The following LRP8 variants were observed in gnomAD, a reference collection of about 807,000 sequenced individuals.
LRP8 encodes the protein LDL receptor related protein 8, also known as low-density lipoprotein receptor-related protein 8.
LRP8 carries 46 observed loss-of-function variants against 111.6 expected under a neutral mutation model. That is an observed-to-expected ratio of 0.41 (90% CI 0.33 to 0.53). LRP8 has a LOEUF of 0.53. Ranked by LOEUF, LRP8 falls within the 20% of genes least tolerant of loss-of-function variation. The probability of loss-of-function intolerance (pLI) is 0.20; values close to 1 mark genes in which losing one functional copy is unlikely to be tolerated. For synonymous variants in LRP8, 464 were observed against 511.2 expected (o/e 0.91, Z 1.24); for missense variants, 959 against 1,297.4 (o/e 0.74, Z 4.01).
In LRP8 at chr1:53,246,948, A is replaced by T; in HGVS notation, c.*70T>A. On this transcript the variant is annotated 3_prime_UTR_variant, in exon 19 of 19. Transcript: ENST00000306052. The stretch of plus-strand genomic sequence containing the variant: ...CCCATATATAGAAACCCATTCATCC[A>T]GTCATACACCATCCAGAGTGTAGTG... The T allele has an allele frequency of 3.7e-6, 5 of 1,369,302 alleles. No individual in the cohort carries two copies. In the South Asian group the frequency reaches 6.3e-5, roughly 17 times the overall value. 84.8% of individuals were successfully genotyped at this position (1,369,302 alleles called of 1,614,324 possible). A position where few individuals can be genotyped will look rare whatever the true frequency, so the allele number is the denominator to read the frequency against.
At chr1:53,298,707 G>T (rs930787439) in intron 2 of LRP8, among the ~76,000 whole-genome samples, 1 of 152,186 alleles carries the variant, frequency 6.6e-6, no homozygotes, top group African/African-American at 2.4e-5. Context: ...GTGGAAACGT[G>T]GCCTCCTCTG....
rs370671497 is a variant in LRP8, at chr1:53,317,079, C to A, written c.244+9794G>T. 6.6e-6 allele frequency among the ~76,000 whole-genome samples: 1 copy of A among 152,088 alleles called. No individual in the cohort carries two copies. Among genetic ancestry groups the A allele is most frequent in the South Asian group, 2.1e-4 (1 of 4,818 alleles). ...CTCTGAAGCACACACCCCAAGCACA[C>A]GCACATGTGCCCATGCCCATGGCCG... On this transcript the variant is annotated intron_variant, in intron 2 of 18. Coordinates refer to ENST00000306052, the MANE Select transcript of LRP8 (RefSeq NM_004631.5). The surrounding 1 kb of genome is among the most constrained non-coding windows in gnomAD (Gnocchi z 4.9).
intron 4 of LRP8, 71 bp from the exon 5 acceptor site, chr1:53,277,149 C>A (rs1646951304): frequency 1.5e-6 from 2 of 1,366,144 alleles, no homozygotes; most frequent in South Asian, 1.6e-5. Flanking sequence ...GCTGGTCCGG[C>A]TACAGGGGCT....
At chr1:53,316,973 G>A (rs1322572035) in intron 2 of LRP8, among the ~76,000 whole-genome samples, 1 of 152,158 alleles carries the variant, frequency 6.6e-6, no homozygotes, top group Non-Finnish European at 1.5e-5. Context: ...GACTTAGCGG[G>A]TATGGGAGAA....
chr1:53,279,344 A>T lies in LRP8; in HGVS notation c.496+1243T>A, dbSNP rs1647033025. Among the ~76,000 whole-genome samples the T allele has an allele frequency of 6.6e-6, 1 of 152,230 alleles. No individual in the cohort carries two copies. The highest frequency in any genetic ancestry group is 2.4e-5 in the African/African-American group (1 of 41,464). ...AATTAATGGGGAATGTTCCTATTCC[A>T]ACATGCCCTAGTTGGAGAGACTCCC... On this transcript the variant is annotated intron_variant, in intron 4 of 18. Transcript: ENST00000306052. This position sits in a 1 kb window ranked among gnomAD's most constrained non-coding sequence, Gnocchi z 4.4.
Position 53,264,374 on chromosome 1 carries a change from C to T in LRP8, c.1450G>A (p.Asp484Asn), listed in dbSNP as rs772484184. ...ATGAGGACCTCCTGCTCTTTCGGGT[C>T]ACTGGCCTTGTCCATGTAGGCGCTT... ...IYSAYMDKAS[D>N]PKEQEVLIDE... The change falls in exon 10 of 19, where the codon GAC becomes AAC. Residue 484 changes from aspartate to asparagine, a missense_variant. By Grantham distance (23) the Asp-to-Asn change is conservative. Transcript: ENST00000306052. The T allele has an allele frequency of 3.1e-6, 5 of 1,613,766 alleles. No individual in the cohort carries two copies. The highest frequency in any genetic ancestry group is 1.3e-5 in the African/African-American group (1 of 74,934).
At chr1:53,327,431 C>G (rs762666375) in intron 1 of LRP8, 53 of 266,394 alleles carry the variant, frequency 2.0e-4, no homozygotes, top group Non-Finnish European at 2.9e-4. Flanking sequence ...GAGAAGCCGC[C>G]CGGCTCTGCT....
At chr1:53,305,622 A>G (rs994628761) in intron 2 of LRP8, among the ~76,000 whole-genome samples, 1 of 152,232 alleles carries the variant, frequency 6.6e-6, no homozygotes, top group Non-Finnish European at 1.5e-5. Context: ...AGGCTACTTC[A>G]GAAGCCTCGT....
rs749279202 is a variant in LRP8 at position 53,250,893 on chromosome 1, C to T, written c.2504-31G>A. On this transcript the variant is annotated intron_variant, in intron 16 of 18. Coordinates refer to ENST00000306052, the MANE Select transcript of LRP8 (RefSeq NM_004631.5). This position sits in a 1 kb window ranked among gnomAD's most constrained non-coding sequence, Gnocchi z 4.6. ...GGAAGGACACAGGACACTGGACCTC[C>T]AGCAGGCTCCAACCCACTGCTCAGA... is the stretch of plus-strand genomic sequence containing the variant. 1.1e-5 allele frequency: 17 copies of T among 1,605,642 alleles called. No individual in the cohort carries two copies. The highest frequency in any genetic ancestry group is 1.4e-5 in the Non-Finnish European group (17 of 1,172,654).
rs1646138617 is a variant in LRP8 at position 53,257,414 on chromosome 1, C to T, written c.2260G>A (p.Val754Ile). ...TTLASTMTRT[V>I]PATTRAPGTT... The stretch of plus-strand genomic sequence containing the variant: ...CCGGGGGCTCTTGTGGTGGCAGGTA[C>T]TGTCCTCGTCATGGTAGAAGCTAAC... Residue 754 changes from valine (V) to isoleucine (I), a missense_variant, in exon 15 of 19, where the codon GTA becomes ATA. By Grantham distance (29) the Val-to-Ile change is conservative. Coordinates refer to ENST00000306052, the MANE Select transcript of LRP8 (RefSeq NM_004631.5). 1 of 1,614,132 alleles carries T rather than the reference C, an allele frequency of 6.2e-7. No homozygotes were observed. The highest frequency in any genetic ancestry group is 8.5e-7 in the Non-Finnish European group (1 of 1,180,026).
chr1:53,283,594 G>A (rs1317819481), intron 3 of LRP8, among the ~76,000 whole-genome samples: 1 of 59,186 alleles, frequency 1.7e-5, no homozygotes, highest in Non-Finnish European at 3.4e-5. Context: ...CTACATACCC[G>A]GGCCACTTAC....
chr1:53,263,671 C>G (rs1646433728), intron 10 of LRP8, among the ~76,000 whole-genome samples: 1 of 152,184 alleles, frequency 6.6e-6, no homozygotes, highest in Non-Finnish European at 1.5e-5. Context: ...TGCTGGCTCT[C>G]TCACAGGGCA....
intron 2 of LRP8, among the ~76,000 whole-genome samples, chr1:53,296,583 G>T (rs1649763122): frequency 6.6e-6 from 1 of 152,236 alleles, no homozygotes; most frequent in South Asian, 2.1e-4. Context: ...ATCCGGGGTG[G>T]GGGCAGGGGG....
At chr1:53,320,088 A>G (rs946372641) in intron 2 of LRP8, among the ~76,000 whole-genome samples, 3 of 152,252 alleles carry the variant, frequency 2.0e-5, no homozygotes, top group African/African-American at 7.2e-5. Context: ...ACCTCAAGGC[A>G]CCGGCTGAAG....
rs759715800 is a variant in LRP8 at position 53,250,741 on chromosome 1, TTCG to T, written c.2622_2624del (p.Asp874del). ...CAGTTCTCCCTATATGGAGCTCATCTTCGTCTTCTTCTTCTGTTGTTTTCCTGT... is the reference window on the plus strand; with the variant it reads ...CAGTTCTCCCTATATGGAGCTCATCTTCTTCTTCTTCTGTTGTTTTCCTGT... On this transcript the variant is annotated inframe_deletion, in exon 17 of 19. Transcript: ENST00000306052. The surrounding 1 kb of genome is among the most constrained non-coding windows in gnomAD (Gnocchi z 4.6). 9 of 1,613,990 alleles carry T rather than the reference TTCG, an allele frequency of 5.6e-6. No homozygotes were observed. The East Asian group carries it at 6.7e-5, about 12-fold the overall frequency.
intron 2 of LRP8, among the ~76,000 whole-genome samples, chr1:53,290,709 TAA>T (rs1216312974): frequency 6.6e-6 from 1 of 152,146 alleles, no homozygotes; most frequent in East Asian, 1.9e-4. Context: ...GCCCATGTCA[TAA>T]GGTGCCCCAG....
intron 2 of LRP8, among the ~76,000 whole-genome samples, chr1:53,316,401 GC>G (rs1161203694): frequency 6.6e-6 from 1 of 152,220 alleles, no homozygotes; most frequent in East Asian, 1.9e-4. Context: ...TAAAAAATCA[GC>G]CCCGTCAGAG....
At position 53,293,459 on chromosome 1, in the gene LRP8, G is replaced by A. The variant is rs1649155148; in HGVS notation, c.245-3770C>T. Among the ~76,000 whole-genome samples the A allele has an allele frequency of 6.6e-6, 1 of 152,230 alleles. No homozygotes were observed. The highest frequency in any genetic ancestry group is 1.5e-5 in the Non-Finnish European group (1 of 68,034). On this transcript the variant is annotated intron_variant, in intron 2 of 18. Transcript: ENST00000306052. This position sits in a 1 kb window ranked among gnomAD's most constrained non-coding sequence, Gnocchi z 4.9. ...GTGACTCCTCACAGCTATCTTGGTA[G>A]CTGTTGTTATTAATCCCATTGTACA...
Position 53,262,332 on chromosome 1 carries a change from A to T in LRP8, c.1774+114T>A. On this transcript the variant is annotated intron_variant, in intron 11 of 18. Transcript: ENST00000306052. This position sits in a 1 kb window ranked among gnomAD's most constrained non-coding sequence, Gnocchi z 4.8. ...AGGCCAGCCTACGGCAACCATTAGG[A>T]AACAAAGTCACTGGCACCATGAGAG... The T allele has an allele frequency of 6.6e-7, 1 of 1,522,638 alleles. No homozygotes were observed. The highest frequency in any genetic ancestry group is 1.7e-5 in the Admixed American group (1 of 57,512). 94.3% of individuals were successfully genotyped at this position (1,522,638 alleles called of 1,614,324 possible). A position where few individuals can be genotyped will look rare whatever the true frequency, so the allele number is the denominator to read the frequency against.
Sources: allele counts gnomAD v4.1 joint callset (sites outside exome capture counted in the v4.1 genomes callset), GRCh38; gene constraint gnomAD v4.1.1; non-coding constraint Gnocchi (gnomAD v3.1); transcripts MANE v1.5; gene names NCBI Gene and HGNC (gene_info 2026-07-23, HGNC 2026-07-21).